OXR1: variants seen among roughly 807,000 people sequenced by gnomAD.
The protein encoded by OXR1 is oxidation resistance 1.
OXR1 carries 41 observed loss-of-function variants against 104.6 expected under a neutral mutation model. The observed-to-expected ratio is 0.39, with a 90% CI of 0.31 to 0.51. The LOEUF (loss-of-function observed/expected upper bound fraction) is 0.51, where lower values mean the gene tolerates loss of function less well. OXR1 is among the 20% of genes least tolerant of loss of function. The pLI, the probability that OXR1 is intolerant of heterozygous loss-of-function variation, is 0.77. For synonymous variants in OXR1, 348 were observed against 348.4 expected (o/e 1.00, Z 0.01); for missense variants, 955 against 1,031.9 (o/e 0.93, Z 1.02).
chr8:106,602,252 A>G (rs1000840932), intron 3 of OXR1, among the ~76,000 whole-genome samples: 2 of 152,248 alleles, frequency 1.3e-5, no homozygotes, highest in African/African-American at 4.8e-5. Context: ...TTGCACAGCA[A>G]TAGCAAACTC....
intron 2 of OXR1, among the ~76,000 whole-genome samples, chr8:106,404,560 A>T (rs13439057): frequency 0.22 from 33,384 of 151,844 alleles, 4,986 homozygotes; most frequent in East Asian, 0.42. Context: ...TTTCTACCAC[A>T]TAAAAACTGG....
At chr8:106,370,890 A>G (rs907919197) in intron 2 of OXR1, among the ~76,000 whole-genome samples, 1 of 152,092 alleles carries the variant, frequency 6.6e-6, no homozygotes, top group African/African-American at 2.4e-5. Flanking sequence ...TGGGTTTGGT[A>G]TCAGGATGAT....
chr8:106,698,006 T>C (rs1486369120), intron 7 of OXR1: 14 of 1,612,540 alleles, frequency 8.7e-6, no homozygotes, highest in Non-Finnish European at 1.1e-5. Flanking sequence ...AGGTCCCCTG[T>C]TGGCCATTCC....
At chr8:106,384,149 G>C (rs1234553957) in intron 2 of OXR1, among the ~76,000 whole-genome samples, 1 of 152,142 alleles carries the variant, frequency 6.6e-6, no homozygotes. Context: ...AATAAAAATA[G>C]AACTGCATCT....
At chr8:106,483,872 A>G (rs1901780) in intron 2 of OXR1, among the ~76,000 whole-genome samples, 16,525 of 152,036 alleles carry the variant, frequency 0.11, 977 homozygotes, top group African/African-American at 0.15. Context: ...AAATGAAGCT[A>G]TTATATCCTA....
chr8:106,653,082 AAATATAT>A (rs1255305891), intron 3 of OXR1, among the ~76,000 whole-genome samples: 26 of 104,484 alleles, frequency 2.5e-4, no homozygotes, highest in African/African-American at 8.4e-4. Context: ...AAAAAAAAAA[AAATATAT>A]ATATATATAT....
chr8:106,366,432 G>A (rs569362351), intron 2 of OXR1, among the ~76,000 whole-genome samples: 32 of 152,222 alleles, frequency 2.1e-4, no homozygotes, highest in South Asian at 6.2e-4. Flanking sequence ...CCAGCAAATC[G>A]TCTACGATAT....
intron 3 of OXR1, among the ~76,000 whole-genome samples, chr8:106,542,514 C>T (rs377605131): frequency 4.5e-4 from 68 of 152,128 alleles, no homozygotes; most frequent in African/African-American, 1.6e-3. Flanking sequence ...TTTCCACCAA[C>T]GTTTGTTAAG....
chr8:106,505,708 T>C (rs749573680), intron 2 of OXR1, among the ~76,000 whole-genome samples: 5 of 152,164 alleles, frequency 3.3e-5, no homozygotes, highest in Non-Finnish European at 5.9e-5. Flanking sequence ...GCAAAGGCCC[T>C]CTGGACAGAA....
At chr8:106,616,831 C>T (rs576620989) in intron 3 of OXR1, among the ~76,000 whole-genome samples, 2 of 152,300 alleles carry the variant, frequency 1.3e-5, no homozygotes, top group Admixed American at 1.3e-4. Flanking sequence ...ACCCCTGAAG[C>T]CCACCTGTTT....
At chr8:106,552,971 C>T (rs1018542302) in intron 3 of OXR1, among the ~76,000 whole-genome samples, 3 of 152,106 alleles carry the variant, frequency 2.0e-5, no homozygotes, top group Non-Finnish European at 4.4e-5. Context: ...GTTTTATTCT[C>T]CTTCTCTTTT....
chr8:106,325,400 G>T (rs1346810823), intron 1 of OXR1, among the ~76,000 whole-genome samples: 2 of 152,180 alleles, frequency 1.3e-5, no homozygotes, highest in Admixed American at 6.5e-5. Flanking sequence ...ATGGTGTAAT[G>T]GTTAAGGGCC....
intron 2 of OXR1, among the ~76,000 whole-genome samples, chr8:106,462,795 A>T (rs180713549): frequency 6.6e-6 from 1 of 151,820 alleles, no homozygotes; most frequent in Non-Finnish European, 1.5e-5. Context: ...ATTTTTTCTC[A>T]TGTGTTCAAG....
chr8:106,302,934 T>C (rs62527967), intron 1 of OXR1, among the ~76,000 whole-genome samples: 45,296 of 151,434 alleles, frequency 0.3, 7,009 homozygotes, highest in East Asian at 0.56. Context: ...TTTGTATTTT[T>C]AGTAGAGACG....
intron 2 of OXR1, among the ~76,000 whole-genome samples, chr8:106,481,548 A>G (rs1822117254): frequency 1.3e-5 from 2 of 152,024 alleles, no homozygotes; most frequent in South Asian, 4.1e-4. Flanking sequence ...AATTGAGGAA[A>G]AGATGAAGCA....
chr8:106,553,321 T>C (rs1261364358), intron 3 of OXR1, among the ~76,000 whole-genome samples: 1 of 12,198 alleles, frequency 8.2e-5, no homozygotes, highest in Non-Finnish European at 1.5e-4. Context: ...AATTTTCTTC[T>C]TTTTTTTTTT....
chr8:106,563,375 G>C (rs890573297), intron 3 of OXR1, among the ~76,000 whole-genome samples: 5 of 151,352 alleles, frequency 3.3e-5, no homozygotes, highest in African/African-American at 1.2e-4. Context: ...AACCAACAGA[G>C]ATCCAAGAAG....
intron 3 of OXR1, among the ~76,000 whole-genome samples, chr8:106,586,003 T>C (rs1818601179): frequency 6.6e-6 from 1 of 152,248 alleles, no homozygotes; most frequent in African/African-American, 2.4e-5. Context: ...TTTACTCTAA[T>C]TCTGGGCTAG....
intron 3 of OXR1, among the ~76,000 whole-genome samples, chr8:106,599,472 A>T (rs533006762): frequency 6.6e-6 from 1 of 152,324 alleles, no homozygotes; most frequent in South Asian, 2.1e-4. Flanking sequence ...CAGGAACAAA[A>T]GGAGATTCTT....
Sources: allele counts gnomAD v4.1 joint callset (sites outside exome capture counted in the v4.1 genomes callset), GRCh38; gene constraint gnomAD v4.1.1; transcripts MANE v1.5; gene names NCBI Gene and HGNC (gene_info 2026-07-23, HGNC 2026-07-21).